Variants in POF1B observed in about 807,000 individuals in gnomAD.
POF1B encodes POF1B actin binding protein.
Under a neutral mutation model 55.3 loss-of-function variants are expected in POF1B, and 53 were observed. The ratio of observed to expected loss-of-function variants is 0.96; its 90% CI spans 0.77 to 1.20. POF1B has a LOEUF of 1.20. Ranked by LOEUF, POF1B falls within the 50% of genes most tolerant of loss-of-function variation. The probability of loss-of-function intolerance (pLI) is 0.00; values close to 1 mark genes in which losing one functional copy is unlikely to be tolerated. For synonymous variants in POF1B, 188 were observed against 148.3 expected, an observed-to-expected ratio of 1.27 and a Z score of -1.95; for missense variants, 478 against 420.5, an observed-to-expected ratio of 1.14 and a Z score of -1.20.
In POF1B at chrX:85,279,435, G is replaced by T. The variant is rs1346405636; in HGVS notation, c.1765-9C>A. 5 of 1,158,753 alleles carry T rather than the reference G, an allele frequency of 4.3e-6. No individual in the cohort carries two copies. In the African/African-American group the frequency reaches 5.6e-5, roughly 13 times the overall value. On this transcript the variant is annotated splice_polypyrimidine_tract_variant and intron_variant, in intron 16 of 16. Coordinates refer to ENST00000262753, the MANE Select transcript of POF1B (RefSeq NM_024921.4). ...AGTGGATCCATTCATGGCTAGAAAA[G>T]AAAAAAAAAGGTTATCTTACAACTG...
At position 85,360,558 on chromosome X, in the gene POF1B, T is replaced by C. The variant is rs866330245; in HGVS notation, c.358-928A>G. Among the ~76,000 whole-genome samples, 411 of 73,173 alleles carry C rather than the reference T, an allele frequency of 5.6e-3. 21 individuals are homozygous for C. Among genetic ancestry groups the C allele is most frequent in the African/African-American group, 0.022 (287 of 12,975 alleles). 63.5% of individuals were successfully genotyped at this position (73,173 alleles called of 115,157 possible). A position where few individuals can be genotyped will look rare whatever the true frequency, so the allele number is the denominator to read the frequency against. On this transcript the variant is annotated intron_variant, in intron 3 of 16. Coordinates refer to ENST00000262753, the MANE Select transcript of POF1B (RefSeq NM_024921.4). ...ATATATATATATATATATATATATATACATATATACACATTTTCTTTATCC... is the reference window on the plus strand; with the variant it reads ...ATATATATATATATATATATATATACACATATATACACATTTTCTTTATCC...
chrX:85,308,953 C>G (rs779792876), intron 9 of POF1B, among the ~76,000 whole-genome samples: 1 of 111,576 alleles, frequency 9.0e-6, no homozygotes, highest in Non-Finnish European at 1.9e-5. Context: ...GCTGGGATTA[C>G]AGGTGTGAGC....
At chrX:85,327,436 G>A (rs1404455780) in intron 7 of POF1B, among the ~76,000 whole-genome samples, 1 of 111,733 alleles carries the variant, frequency 8.9e-6, no homozygotes, top group East Asian at 2.8e-4. Flanking sequence ...CACTTACTGT[G>A]CAAAACCTCT....
intron 9 of POF1B, among the ~76,000 whole-genome samples, chrX:85,309,357 C>CAA (rs771611752): frequency 3.8e-5 from 3 of 79,237 alleles, no homozygotes; most frequent in African/African-American, 9.2e-5. Context: ...TGTTGCTTCA[C>CAA]AAAAAAAAAA....
In POF1B at chrX:85,279,379, A is replaced by C. The variant is rs372539151; in HGVS notation, c.*42T>G. On this transcript the variant is annotated 3_prime_UTR_variant, in exon 17 of 17. Transcript: ENST00000262753. ...ACTAATGCAGAGACACACACACAAA[A>C]AAAAAACGGCTTTGAGTTGTAATAC... is the stretch of plus-strand genomic sequence containing the variant. 3.0e-4 allele frequency: 348 copies of C among 1,157,004 alleles called. No individual in the cohort carries two copies. Among genetic ancestry groups the C allele is most frequent in the South Asian group, 1.3e-3 (69 of 52,666 alleles).
At chrX:85,323,369 C>G (rs1328550235) in intron 7 of POF1B, among the ~76,000 whole-genome samples, 1 of 106,456 alleles carries the variant, frequency 9.4e-6, no homozygotes, top group Non-Finnish European at 1.9e-5. Context: ...ACCGCATGTT[C>G]TCACTGGTAG....
chrX:85,293,661 C>T (rs1356454118), intron 15 of POF1B, among the ~76,000 whole-genome samples: 1 of 111,524 alleles, frequency 9.0e-6, no homozygotes, highest in Non-Finnish European at 1.9e-5. Flanking sequence ...TACCACTGAA[C>T]ATAAAATAAA....
chrX:85,350,581 A>T (rs908412373), intron 5 of POF1B, among the ~76,000 whole-genome samples: 5 of 111,035 alleles, frequency 4.5e-5, no homozygotes, highest in Non-Finnish European at 9.5e-5. Flanking sequence ...TGGTATTTCT[A>T]GTTCTAGATC....
intron 7 of POF1B, among the ~76,000 whole-genome samples, chrX:85,325,148 G>A (rs1932884038): frequency 9.0e-6 from 1 of 111,186 alleles, no homozygotes; most frequent in Non-Finnish European, 1.9e-5. Context: ...TCGAGAATCT[G>A]ATGACGATGT....
At chrX:85,356,230 G>A (rs1385913534) in intron 4 of POF1B, among the ~76,000 whole-genome samples, 17 of 106,538 alleles carry the variant, frequency 1.6e-4, no homozygotes, top group Non-Finnish European at 3.1e-4. Context: ...AACACCGCAT[G>A]TTCTCACTCA....
At chrX:85,361,982 G>A (rs1368884293) in intron 3 of POF1B, among the ~76,000 whole-genome samples, 2 of 109,008 alleles carry the variant, frequency 1.8e-5, no homozygotes, top group Non-Finnish European at 3.8e-5. Flanking sequence ...GTGTGTGTGT[G>A]TGTGTGTATG....
intron 6 of POF1B, among the ~76,000 whole-genome samples, chrX:85,339,612 A>G (rs770941325): frequency 3.6e-5 from 4 of 111,592 alleles, no homozygotes; most frequent in African/African-American, 6.5e-5. Flanking sequence ...TCAGGAACAT[A>G]GTGAAGCTAG....
At chrX:85,280,983 C>A (rs1931883747) in intron 16 of POF1B, among the ~76,000 whole-genome samples, 1 of 110,645 alleles carries the variant, frequency 9.0e-6, no homozygotes, top group South Asian at 3.9e-4. Context: ...ATGCCAATAA[C>A]ACCCACCCCT....
chrX:85,350,435 T>A (rs1280396498), intron 5 of POF1B, among the ~76,000 whole-genome samples: 3 of 111,370 alleles, frequency 2.7e-5, no homozygotes, highest in African/African-American at 6.5e-5. Context: ...TCTATCATTG[T>A]TGGACATTTG....
At chrX:85,342,406 C>T (rs1407226857) in intron 6 of POF1B, among the ~76,000 whole-genome samples, 1 of 110,887 alleles carries the variant, frequency 9.0e-6, no homozygotes, top group Non-Finnish European at 1.9e-5. Context: ...CATTTGCGAC[C>T]CAGAGTTGGG....
intron 3 of POF1B, among the ~76,000 whole-genome samples, chrX:85,361,231 T>C (rs1370270930): frequency 8.9e-6 from 1 of 111,994 alleles, no homozygotes; most frequent in African/African-American, 3.2e-5. Context: ...TTAGTTAAGT[T>C]AGATTTTATT....
At chrX:85,379,578 G>A (rs1933980456) in intron 1 of POF1B, 61 bp downstream of exon 1, 8 of 730,230 alleles carry the variant, frequency 1.1e-5, no homozygotes, top group Non-Finnish European at 1.6e-5. Flanking sequence ...CACGACACAC[G>A]TGTGGAAACC....
At chrX:85,379,553 G>T in intron 1 of POF1B, 58 bp from the exon 2 acceptor site, 1 of 929,803 alleles carries the variant, frequency 1.1e-6, no homozygotes, top group East Asian at 3.4e-5. Context: ...AGGCAGTCAG[G>T]CAGGCAGACA....
chrX:85,300,720 C>T (rs985367645), intron 15 of POF1B, among the ~76,000 whole-genome samples: 6 of 111,392 alleles, frequency 5.4e-5, no homozygotes, highest in African/African-American at 2.0e-4. Flanking sequence ...CATTAAGAAG[C>T]CAGATGTTGC....
Sources: gnomAD v4.1 joint callset for allele counts (sites outside exome capture counted in the v4.1 genomes callset) on GRCh38, gnomAD v4.1.1 for gene constraint, MANE v1.5 for transcripts, NCBI Gene and HGNC (gene_info 2026-07-23, HGNC 2026-07-21) for gene names.